MAP7D3: variants seen among roughly 807,000 people sequenced by gnomAD.
MAP7D3 encodes MAP7 domain-containing protein 3.
A neutral mutation model predicts 62.2 loss-of-function variants in MAP7D3; 45 were observed. The observed-to-expected ratio is 0.72, with a 90% CI of 0.57 to 0.93. The LOEUF is 0.93. Ranked by LOEUF, MAP7D3 falls within the 40% of genes least tolerant of loss-of-function variation. The pLI is 0.00. For synonymous variants in MAP7D3, 288 were observed against 248.8 expected (o/e 1.16, Z -1.48); for missense variants, 711 against 683.1 (o/e 1.04, Z -0.45).
At chrX:136,230,752 T>C in intron 9 of MAP7D3, 87 bp downstream of exon 9, 1 of 1,008,093 alleles carries the variant, frequency 9.9e-7, no homozygotes, top group Non-Finnish European at 1.4e-6. Context: ...TTACCATGCA[T>C]ACTATATTAT....
In MAP7D3 at chrX:136,216,919, G is replaced by C. The variant is rs1454417139; in HGVS notation, c.*1607C>G. Reference sequence around the variant, plus strand: ...AAAAATAACAGGAACTCTTTTGTTAGGATGATTGTCTCTGTTTTATACATG... The same window carrying C: ...AAAAATAACAGGAACTCTTTTGTTACGATGATTGTCTCTGTTTTATACATG... On this transcript the variant is annotated 3_prime_UTR_variant, in exon 19 of 19. Transcript: ENST00000316077. 8.9e-6 allele frequency: 1 copy of C among 112,292 alleles called. No individual in the cohort carries two copies. Among genetic ancestry groups the C allele is most frequent in the Non-Finnish European group, 1.9e-5 (1 of 53,302 alleles). The allele number at this position is 112,292 out of a possible 1,213,427, so 9.3% of individuals were successfully genotyped here. A position where few individuals can be genotyped will look rare whatever the true frequency, so the allele number is the denominator to read the frequency against.
intron 1 of MAP7D3, among the ~76,000 whole-genome samples, chrX:136,247,866 T>C (rs2074465703): frequency 8.9e-6 from 1 of 112,115 alleles, no homozygotes; most frequent in African/African-American, 3.2e-5. Flanking sequence ...TTCTCCTGCT[T>C]AGAAGTCCCA....
At chrX:136,251,524 C>A (rs1279818829), upstream of MAP7D3, 1 of 840,740 alleles carries the variant, frequency 1.2e-6, no homozygotes, top group Non-Finnish European at 1.4e-6. Flanking sequence ...GCGAACCGGG[C>A]AGGATTGCCC....
chrX:136,244,506 GAAGA>G (rs1320438666), intron 4 of MAP7D3, 122 bp downstream of exon 4: 4 of 563,969 alleles, frequency 7.1e-6, no homozygotes, highest in Non-Finnish European at 1.1e-5. Flanking sequence ...AGGAAGCGAA[GAAGA>G]AAGAGCTGGG....
intron 1 of MAP7D3, among the ~76,000 whole-genome samples, chrX:136,246,551 G>C (rs905039467): frequency 3.6e-5 from 4 of 112,088 alleles, no homozygotes; most frequent in African/African-American, 3.2e-5. Flanking sequence ...TGTTTACTAT[G>C]ATGGGCCAGG....
At chrX:136,222,578 T>G (rs1251916954) in intron 14 of MAP7D3, 92 bp from the exon 15 acceptor site, 1 of 712,568 alleles carries the variant, frequency 1.4e-6, no homozygotes, top group African/African-American at 2.1e-5. Flanking sequence ...GCTGGACTGA[T>G]GGCTAATTTT....
At chrX:136,244,521 A>T in intron 4 of MAP7D3, 111 bp downstream of exon 4, 2 of 627,314 alleles carry the variant, frequency 3.2e-6, no homozygotes, top group East Asian at 6.6e-5. Flanking sequence ...AAGAGCTGGG[A>T]TTGGTTCCCT....
At chrX:136,251,532 C>T (rs1025408748), upstream of MAP7D3, 79 of 837,492 alleles carry the variant, frequency 9.4e-5, no homozygotes, top group South Asian at 4.6e-3. Flanking sequence ...GGCAGGATTG[C>T]CCCTTGCGTC....
At chrX:136,218,768 C>G (rs914611396) in intron 18 of MAP7D3, among the ~76,000 whole-genome samples, 13 of 112,005 alleles carry the variant, frequency 1.2e-4, no homozygotes, top group Non-Finnish European at 2.1e-4. Flanking sequence ...CCTCCCTAAT[C>G]TTCTGCCCTA....
rs2074083837 is a variant in MAP7D3, at chrX:136,218,325, A to T, written c.*201T>A. 3 of 112,085 alleles carry T rather than the reference A, an allele frequency of 2.7e-5. No individual in the cohort carries two copies. 9.2% of individuals were successfully genotyped at this position (112,085 alleles called of 1,213,427 possible). A position where few individuals can be genotyped will look rare whatever the true frequency, so the allele number is the denominator to read the frequency against. ...GAGAATAAGATGACTTTAACATCTG[A>T]GATATACATCAAAGTGGCCTTTTGA... is the stretch of plus-strand genomic sequence containing the variant. On this transcript the variant is annotated 3_prime_UTR_variant, in exon 19 of 19. Transcript: ENST00000316077.
chrX:136,247,114 C>G (rs926206520), intron 1 of MAP7D3, among the ~76,000 whole-genome samples: 3 of 112,345 alleles, frequency 2.7e-5, no homozygotes, highest in Admixed American at 9.4e-5. Flanking sequence ...ATACAAGGTG[C>G]AAACAAACGT....
intron 10 of MAP7D3, chrX:136,229,063 AATACT>A: frequency 1.4e-5 from 2 of 138,383 alleles, no homozygotes. Flanking sequence ...AAGAGTAAGA[AATACT>A]GAATATAGAG....
Position 136,246,342 on chromosome X carries a change from C to G in MAP7D3, c.71-1G>C. The G allele has an allele frequency of 8.7e-7, 1 of 1,155,530 alleles. No homozygotes were observed. ...TTAGCAATCTCGTTTGCTGCAGCAA[C>G]TAAAATACAGGGAGATAAAAGGATT... On this transcript the variant is annotated splice_acceptor_variant, in intron 1 of 18. Transcript: ENST00000316077. LOFTEE classifies it high-confidence loss of function.
At chrX:136,228,989 A>G (rs1175871026) in intron 10 of MAP7D3, 3 of 226,458 alleles carry the variant, frequency 1.3e-5, no homozygotes, top group Non-Finnish European at 2.3e-5. Context: ...CCAAAATGAA[A>G]TAATGTACTT....
intron 14 of MAP7D3, among the ~76,000 whole-genome samples, chrX:136,223,996 G>A (rs780216897): frequency 1.3e-3 from 127 of 99,296 alleles, no homozygotes; most frequent in African/African-American, 4.1e-3. Context: ...AGGCTGCAGT[G>A]AGCCATGATT....
Position 136,223,120 on chromosome X carries a change from G to A in MAP7D3, c.2194-634C>T, listed in dbSNP as rs1410531928. On this transcript the variant is annotated intron_variant, in intron 14 of 18. Coordinates refer to ENST00000316077, the MANE Select transcript of MAP7D3 (RefSeq NM_024597.4). Reference sequence around the variant, plus strand: ...GCCTCCCAAAGTGCTGGGATTACCAGCGTGAGCCACCGCACCCAGCCTTTG... The same window carrying A: ...GCCTCCCAAAGTGCTGGGATTACCAACGTGAGCCACCGCACCCAGCCTTTG... Among the ~76,000 whole-genome samples the A allele has an allele frequency of 2.7e-5, 3 of 111,440 alleles. No individual in the cohort carries two copies. In the East Asian group the frequency reaches 8.6e-4, roughly 32 times the overall value.
chrX:136,227,098 C>T (rs2074207002), intron 12 of MAP7D3, among the ~76,000 whole-genome samples, 186 bp downstream of exon 12: 1 of 110,954 alleles, frequency 9.0e-6, no homozygotes, highest in East Asian at 2.8e-4. Flanking sequence ...CATTGCACTC[C>T]AGCCTGGCTG....
chrX:136,256,423 A>T (rs1366924470), exon 1 of MAP7D3: 10 of 888,507 alleles, frequency 1.1e-5, no homozygotes, highest in Middle Eastern at 5.5e-4. Flanking sequence ...CCTGTGGCAC[A>T]GAGGACCAGG....
At chrX:136,249,918 T>C (rs957484113) in intron 1 of MAP7D3, among the ~76,000 whole-genome samples, 4 of 112,430 alleles carry the variant, frequency 3.6e-5, no homozygotes, top group African/African-American at 1.3e-4. Flanking sequence ...CCAGTATCTG[T>C]CCCATATATA....
Sources: gnomAD v4.1 joint callset for allele counts (sites outside exome capture counted in the v4.1 genomes callset) on GRCh38, gnomAD v4.1.1 for gene constraint, MANE v1.5 for transcripts, NCBI Gene and HGNC (gene_info 2026-07-23, HGNC 2026-07-21) for gene names.